GNAQ: variants seen among roughly 807,000 people sequenced by gnomAD.
The protein encoded by GNAQ is guanine nucleotide-binding protein G(q) subunit alpha.
Under a neutral mutation model 43.9 loss-of-function variants are expected in GNAQ, and 8 were observed. That is an observed-to-expected ratio of 0.18 (90% CI 0.11 to 0.33). The LOEUF (loss-of-function observed/expected upper bound fraction) is 0.33. Ranked by LOEUF, GNAQ falls within the 10% of genes least tolerant of loss-of-function variation. The pLI, the probability that GNAQ is intolerant of heterozygous loss-of-function variation, is 1.00. For synonymous variants in GNAQ, 155 were observed against 170.7 expected, an observed-to-expected ratio of 0.91 and a Z score of 0.71; for missense variants, 158 against 450.8, an observed-to-expected ratio of 0.35 and a Z score of 5.88.
At chr9:78,012,908 G>A (rs1823791310) in intron 1 of GNAQ, among the ~76,000 whole-genome samples, 1 of 152,164 alleles carries the variant, frequency 6.6e-6, no homozygotes, top group Admixed American at 6.5e-5. Flanking sequence ...TGAAATTTGA[G>A]AAACTACTAC....
intron 2 of GNAQ, among the ~76,000 whole-genome samples, chr9:77,816,816 A>C (rs1827025103): frequency 6.6e-6 from 1 of 152,228 alleles, no homozygotes; most frequent in African/African-American, 2.4e-5. Flanking sequence ...AAGAGTATTA[A>C]GCAGATAGAA....
chr9:77,990,627 T>A (rs1268721129), intron 1 of GNAQ, among the ~76,000 whole-genome samples: 1 of 152,196 alleles, frequency 6.6e-6, no homozygotes, highest in African/African-American at 2.4e-5. Context: ...GTGTGCATAT[T>A]TGAATGCATG....
At chr9:77,937,184 T>C (rs959837937) in intron 1 of GNAQ, among the ~76,000 whole-genome samples, 2 of 152,218 alleles carry the variant, frequency 1.3e-5, no homozygotes, top group Non-Finnish European at 2.9e-5. Context: ...GCCTCACACC[T>C]ATAATCCCAG....
At chr9:77,888,251 A>C (rs964166262) in intron 2 of GNAQ, among the ~76,000 whole-genome samples, 1 of 152,232 alleles carries the variant, frequency 6.6e-6, no homozygotes, top group African/African-American at 2.4e-5. Flanking sequence ...AATCCACGAT[A>C]ACTTTTTAAG....
Position 77,794,433 on chromosome 9 carries a change from T to C in GNAQ, c.735+30A>G, listed in dbSNP as rs1826626515. The stretch of plus-strand genomic sequence containing the variant: ...TTACTTGTATCAGATAATAAAATGA[T>C]AATCCATTGCCTGTCTAAAGAACAC... On this transcript the variant is annotated intron_variant, in intron 5 of 6. Transcript: ENST00000286548. 2 of 1,479,720 alleles carry C rather than the reference T, an allele frequency of 1.4e-6. No individual in the cohort carries two copies. Among genetic ancestry groups the C allele is most frequent in the East Asian group, 4.7e-5 (2 of 42,616 alleles). The allele number at this position is 1,479,720 out of a possible 1,614,324, so 91.7% of individuals were successfully genotyped here.
At chr9:77,757,578 T>C (rs1825924372) in intron 5 of GNAQ, among the ~76,000 whole-genome samples, 1 of 152,202 alleles carries the variant, frequency 6.6e-6, no homozygotes, top group Non-Finnish European at 1.5e-5. Flanking sequence ...CTCCAATTCG[T>C]GCCAACATAA....
chr9:77,904,317 C>CTTTTTTTTTTTT lies in GNAQ; in HGVS notation c.321+17832_321+17843dup, dbSNP rs554783626. ...TGGAGTTAACAGAAGTTCACACCGG[C>CTTTTTTTTTTTT]TTTTTTTTTTTTTTTTTTTTTTTTT... On this transcript the variant is annotated intron_variant, in intron 2 of 6. Coordinates refer to ENST00000286548, the MANE Select transcript of GNAQ (RefSeq NM_002072.5). Among the ~76,000 whole-genome samples the CTTTTTTTTTTTT allele has an allele frequency of 2.6e-4, 20 of 77,430 alleles. 2 individuals carry two copies. Among genetic ancestry groups the CTTTTTTTTTTTT allele is most frequent in the South Asian group, 1.3e-3 (2 of 1,570 alleles). 50.8% of individuals were successfully genotyped at this position (77,430 alleles called of 152,430 possible).
Position 77,978,518 on chromosome 9 carries a change from G to T in GNAQ, c.136+52582C>A, listed in dbSNP as rs180928498. ...GCTAGATTTTAAAACCTTGATGATT[G>T]TTTTCTCTCTGTAGTTATAATTACA... On this transcript the variant is annotated intron_variant, in intron 1 of 6. Transcript: ENST00000286548. 5.4e-3 allele frequency among the ~76,000 whole-genome samples: 823 copies of T among 152,160 alleles called. 6 individuals carry two copies. Among genetic ancestry groups the T allele is most frequent in the African/African-American group, 0.018 (747 of 41,502 alleles).
chr9:77,769,888 G>T (rs143532063), intron 5 of GNAQ, among the ~76,000 whole-genome samples: 1 of 151,900 alleles, frequency 6.6e-6, no homozygotes, highest in Non-Finnish European at 1.5e-5. Flanking sequence ...GGATGGTCTC[G>T]ATCTCCTGAC....
intron 2 of GNAQ, among the ~76,000 whole-genome samples, chr9:77,880,151 G>A (rs915912905): frequency 6.6e-6 from 1 of 152,182 alleles, no homozygotes; most frequent in Non-Finnish European, 1.5e-5. Flanking sequence ...CGTGGCCCCA[G>A]GAGGGACCTG....
At chr9:77,893,173 G>A (rs1316143875) in intron 2 of GNAQ, among the ~76,000 whole-genome samples, 1 of 152,168 alleles carries the variant, frequency 6.6e-6, no homozygotes, top group Admixed American at 6.5e-5. Context: ...GGCACTTCAA[G>A]TCACAGGATG....
At chr9:77,956,740 C>T (rs1041272481) in intron 1 of GNAQ, among the ~76,000 whole-genome samples, 7 of 152,140 alleles carry the variant, frequency 4.6e-5, no homozygotes, top group African/African-American at 1.7e-4. Flanking sequence ...TGGAGGGGAC[C>T]ATTTCCTCTG....
At chr9:77,749,339 C>A (rs747092260) in intron 5 of GNAQ, among the ~76,000 whole-genome samples, 6 of 152,140 alleles carry the variant, frequency 3.9e-5, no homozygotes, top group Non-Finnish European at 5.9e-5. Flanking sequence ...ATTTCACCCC[C>A]GTGTACTCCT....
chr9:78,030,727 A>C lies in GNAQ; in HGVS notation c.136+373T>G, dbSNP rs535356703. The C allele has an allele frequency of 2.4e-3, 893 of 373,636 alleles. 8 individuals are homozygous for C. Among genetic ancestry groups the C allele is most frequent in the South Asian group, 0.015 (748 of 49,038 alleles). The allele number at this position is 373,636 out of a possible 1,614,324, so 23.1% of individuals were successfully genotyped here. Reference sequence around the variant, plus strand: ...GCCGCGGCCACGACACTGGAAGTTCAACCCCTCTGCCCACCTTTCCACCCC... The same window carrying C: ...GCCGCGGCCACGACACTGGAAGTTCCACCCCTCTGCCCACCTTTCCACCCC... On this transcript the variant is annotated intron_variant, in intron 1 of 6. Transcript: ENST00000286548.
intron 2 of GNAQ, among the ~76,000 whole-genome samples, chr9:77,884,246 C>T (rs146986430): frequency 7.2e-5 from 11 of 152,206 alleles, no homozygotes; most frequent in Non-Finnish European, 1.2e-4. Context: ...TTGCTTCTGG[C>T]AAGCCCCTGT....
chr9:77,980,815 A>C (rs1823358653), intron 1 of GNAQ, among the ~76,000 whole-genome samples: 2 of 152,238 alleles, frequency 1.3e-5, no homozygotes, highest in South Asian at 4.1e-4. Flanking sequence ...ATACATATGT[A>C]AGAATCATGC....
At chr9:77,972,294 G>A (rs764266008) in intron 1 of GNAQ, among the ~76,000 whole-genome samples, 9 of 152,082 alleles carry the variant, frequency 5.9e-5, no homozygotes, top group South Asian at 2.1e-4. Context: ...AATCGTGCAC[G>A]CACCATGGCA....
intron 1 of GNAQ, among the ~76,000 whole-genome samples, chr9:78,006,908 T>A (rs1277069094): frequency 6.6e-6 from 1 of 152,200 alleles, no homozygotes; most frequent in Non-Finnish European, 1.5e-5. Context: ...TAGTGAGGTT[T>A]AGCATTGTGT....
intron 2 of GNAQ, among the ~76,000 whole-genome samples, chr9:77,898,934 G>C (rs1003343714): frequency 6.6e-6 from 1 of 152,012 alleles, no homozygotes. Flanking sequence ...TTACTTTCTA[G>C]ATCAGGACAT....
Sources: allele counts gnomAD v4.1 joint callset (sites outside exome capture counted in the v4.1 genomes callset), GRCh38; gene constraint gnomAD v4.1.1; transcripts MANE v1.5; gene names NCBI Gene and HGNC (gene_info 2026-07-23, HGNC 2026-07-21).